Variants in SCN2A observed in about 807,000 individuals in gnomAD.
The protein encoded by SCN2A is sodium channel protein type 2 subunit alpha.
SCN2A carries 20 observed loss-of-function variants against 188.7 expected under a neutral mutation model. The ratio of observed to expected loss-of-function variants is 0.11; its 90% CI spans 0.07 to 0.15. The LOEUF is 0.15. SCN2A is among the 10% of genes least tolerant of loss of function. The pLI, the probability that SCN2A is intolerant of heterozygous loss-of-function variation, is 1.00. For synonymous variants in SCN2A, 804 were observed against 833.1 expected (o/e 0.97, Z 0.60); for missense variants, 1,278 against 2,445.0 (o/e 0.52, Z 10.07).
intron 1 of SCN2A, among the ~76,000 whole-genome samples, chr2:165,292,640 G>C (rs1289517394): frequency 6.6e-6 from 1 of 152,182 alleles, no homozygotes; most frequent in South Asian, 2.1e-4. Flanking sequence ...AAGCCAGAAA[G>C]TATGAAATAC....
At chr2:165,250,057 C>T (rs1217447897) in intron 1 of SCN2A, among the ~76,000 whole-genome samples, 1 of 152,008 alleles carries the variant, frequency 6.6e-6, no homozygotes, top group Non-Finnish European at 1.5e-5. Context: ...CTACTCTGCA[C>T]CTATCTCTAC....
chr2:165,316,866 A>G (rs1477750021), intron 11 of SCN2A, among the ~76,000 whole-genome samples: 1 of 152,186 alleles, frequency 6.6e-6, no homozygotes, highest in Non-Finnish European at 1.5e-5. Flanking sequence ...AATGTCATAT[A>G]GCAATAGAAA....
chr2:165,374,374 A>G (rs1360640359), intron 21 of SCN2A, among the ~76,000 whole-genome samples: 2 of 152,164 alleles, frequency 1.3e-5, no homozygotes, highest in Non-Finnish European at 1.5e-5. Flanking sequence ...GTTCACTTCT[A>G]TATTCATGCC....
intron 17 of SCN2A, among the ~76,000 whole-genome samples, chr2:165,357,750 G>A (rs948063905): frequency 8.5e-5 from 13 of 152,054 alleles, no homozygotes; most frequent in Admixed American, 6.6e-4. Context: ...GACCTTCACC[G>A]CTTACCATTC....
intron 1 of SCN2A, among the ~76,000 whole-genome samples, chr2:165,248,579 T>G (rs1693955383): frequency 1.3e-5 from 2 of 152,150 alleles, no homozygotes; most frequent in Non-Finnish European, 1.5e-5. Context: ...TCCCACATTC[T>G]TCTATACTTT....
At chr2:165,345,789 G>GT (rs1699552743) in intron 16 of SCN2A, among the ~76,000 whole-genome samples, 1 of 152,140 alleles carries the variant, frequency 6.6e-6, no homozygotes, top group South Asian at 2.1e-4. Context: ...AGCTGCTGCG[G>GT]TTTTTTCATA....
rs1180045562 is a variant in SCN2A, at chr2:165,297,068, C to T, written c.319C>T (p.Pro107Ser). The T allele has an allele frequency of 1.9e-6, 3 of 1,612,010 alleles. No homozygotes were observed. Among genetic ancestry groups the T allele is most frequent in the South Asian group, 1.1e-5 (1 of 90,884 alleles). ...GKAISRFSAT[P>S]ALYILTPFNP... is the part of the protein sequence containing the mutation. Reference sequence around the variant, plus strand: ...AGCAATCTCTCGATTCAGTGCCACCCCTGCCCTTTACATTTTAACTCCCTT... The same window carrying T: ...AGCAATCTCTCGATTCAGTGCCACCTCTGCCCTTTACATTTTAACTCCCTT... The change falls in exon 3 of 27, where the codon CCT (proline) becomes TCT (serine). Residue 107 changes from proline to serine, a missense_variant. This residue lies in a region of SCN2A where 141 missense variants were observed against 185.4 expected (regional missense o/e 0.76). Coordinates refer to ENST00000375437, the MANE Select transcript of SCN2A (RefSeq NM_001040142.2).
intron 11 of SCN2A, 44 bp downstream of exon 11, chr2:165,315,802 T>A (rs552153787): frequency 2.6e-5 from 41 of 1,594,504 alleles, no homozygotes; most frequent in South Asian, 2.5e-4. Flanking sequence ...ATAAATTTTT[T>A]AAAAAAATAT....
At chr2:165,387,857 A>G (rs746565391) in intron 26 of SCN2A, among the ~76,000 whole-genome samples, 4 of 152,104 alleles carry the variant, frequency 2.6e-5, no homozygotes, top group Non-Finnish European at 5.9e-5. Flanking sequence ...CATAAGTGCT[A>G]TGAGGTAGCA....
At chr2:165,388,263 A>T (rs1299537529) in intron 26 of SCN2A, among the ~76,000 whole-genome samples, 1 of 152,136 alleles carries the variant, frequency 6.6e-6, no homozygotes, top group Non-Finnish European at 1.5e-5. Context: ...ACCCAAAATC[A>T]TACACCTTTA....
At chr2:165,355,880 T>A (rs1170535765) in intron 17 of SCN2A, among the ~76,000 whole-genome samples, 1 of 151,502 alleles carries the variant, frequency 6.6e-6, no homozygotes, top group Non-Finnish European at 1.5e-5. Context: ...GTGCCTGTAA[T>A]CCCAGCTACT....
intron 20 of SCN2A, chr2:165,370,903 C>T (rs753449645): frequency 6.5e-6 from 1 of 154,614 alleles, no homozygotes; most frequent in South Asian, 2.0e-4. Context: ...ATTAAATGTA[C>T]TACTACTATT....
At chr2:165,263,447 G>A (rs182133999) in intron 1 of SCN2A, among the ~76,000 whole-genome samples, 1 of 151,954 alleles carries the variant, frequency 6.6e-6, no homozygotes, top group Non-Finnish European at 1.5e-5. Context: ...TCCTACATGT[G>A]GTTTGCCAAT....
At chr2:165,287,876 G>T (rs1024612534) in intron 1 of SCN2A, among the ~76,000 whole-genome samples, 2 of 152,150 alleles carry the variant, frequency 1.3e-5, no homozygotes, top group Non-Finnish European at 2.9e-5. Flanking sequence ...GGTATCTGCT[G>T]TCCACAGCTC....
At chr2:165,291,472 TTC>T (rs1181285252) in intron 1 of SCN2A, among the ~76,000 whole-genome samples, 3 of 41,736 alleles carry the variant, frequency 7.2e-5, no homozygotes, top group African/African-American at 1.6e-4. Context: ...CTTTCTTTCT[TTC>T]TTTCTTTCTT....
At chr2:165,379,614 A>G (rs932730287) in intron 23 of SCN2A, among the ~76,000 whole-genome samples, 1 of 151,806 alleles carries the variant, frequency 6.6e-6, no homozygotes, top group Non-Finnish European at 1.5e-5. Flanking sequence ...TCTTTTAAAA[A>G]TTTTAAAAAT....
At chr2:165,247,399 T>A (rs1295585211) in intron 1 of SCN2A, among the ~76,000 whole-genome samples, 1 of 152,182 alleles carries the variant, frequency 6.6e-6, no homozygotes, top group Admixed American at 6.5e-5. Context: ...AAGTTTTTAC[T>A]CTTACCATTT....
chr2:165,341,927 C>G (rs1699341776), intron 14 of SCN2A, among the ~76,000 whole-genome samples: 2 of 152,088 alleles, frequency 1.3e-5, no homozygotes, highest in Admixed American at 6.5e-5. Flanking sequence ...GGGAGGGGAC[C>G]AATCCATTTG....
intron 1 of SCN2A, among the ~76,000 whole-genome samples, chr2:165,244,241 C>G (rs1364766036): frequency 6.6e-6 from 1 of 151,018 alleles, no homozygotes; most frequent in Non-Finnish European, 1.5e-5. Flanking sequence ...AACTCTGAGT[C>G]AAAAATAAAT....
Sources: allele counts gnomAD v4.1 joint callset (sites outside exome capture counted in the v4.1 genomes callset), GRCh38; gene constraint gnomAD v4.1.1; regional missense constraint gnomAD v4.1.1; transcripts MANE v1.5; gene names NCBI Gene and HGNC (gene_info 2026-07-23, HGNC 2026-07-21).